The following OPCML variants were observed in gnomAD, a reference collection of about 807,000 sequenced individuals.
OPCML encodes opioid-binding protein/cell adhesion molecule.
A neutral mutation model predicts 37.8 loss-of-function variants in OPCML; 13 were observed. The observed-to-expected ratio is 0.34, with a 90% confidence interval of 0.22 to 0.55. The LOEUF is 0.55. Among genes scored for constraint, OPCML ranks in the 20% least tolerant of loss-of-function variants. The pLI is 0.91. For missense variants in OPCML, 341 were observed against 435.6 expected (o/e 0.78, Z 1.93); for synonymous variants, 176 against 168.8 (o/e 1.04, Z -0.33).
At chr11:133,424,277 C>T (rs995524813) in intron 1 of OPCML, among the ~76,000 whole-genome samples, 6 of 148,674 alleles carry the variant, frequency 4.0e-5, no homozygotes, top group Admixed American at 4.0e-4. Flanking sequence ...CACAAACAAG[C>T]TCCTTTTCTC....
intron 1 of OPCML, among the ~76,000 whole-genome samples, chr11:133,392,154 TTAACA>T (rs1321694941): frequency 6.6e-6 from 1 of 152,212 alleles, no homozygotes; most frequent in Non-Finnish European, 1.5e-5. Context: ...TACTAGGCAC[TTAACA>T]TGAATTAACG....
intron 1 of OPCML, among the ~76,000 whole-genome samples, chr11:133,266,159 A>G (rs915745860): frequency 5.9e-5 from 9 of 152,196 alleles, no homozygotes; most frequent in African/African-American, 2.2e-4. Context: ...TACACAAGGC[A>G]ATATAAGTCT....
intron 4 of OPCML, among the ~76,000 whole-genome samples, chr11:132,451,468 G>T (rs923655241): frequency 6.6e-6 from 1 of 152,174 alleles, no homozygotes; most frequent in South Asian, 2.1e-4. Flanking sequence ...CCTGGGATCA[G>T]TCCTTTATGC....
At chr11:133,483,687 GATA>G (rs2120363279) in intron 1 of OPCML, among the ~76,000 whole-genome samples, 1 of 133,352 alleles carries the variant, frequency 7.5e-6, no homozygotes, top group East Asian at 2.2e-4. Context: ...TAGATAGATA[GATA>G]GATAGATAGA....
intron 1 of OPCML, among the ~76,000 whole-genome samples, chr11:133,186,712 A>G (rs1938093904): frequency 6.6e-6 from 1 of 152,212 alleles, no homozygotes; most frequent in African/African-American, 2.4e-5. Context: ...CACGAATGGA[A>G]CATGCAAAGA....
intron 2 of OPCML, among the ~76,000 whole-genome samples, chr11:132,832,259 A>AG (rs1940736038): frequency 6.7e-6 from 1 of 150,216 alleles, no homozygotes; most frequent in African/African-American, 2.5e-5. Context: ...AAAAAAAAAA[A>AG]TGATAGTGTA....
At chr11:133,095,212 A>G (rs1461920038) in intron 1 of OPCML, among the ~76,000 whole-genome samples, 4 of 150,364 alleles carry the variant, frequency 2.7e-5, no homozygotes, top group Non-Finnish European at 4.4e-5. Context: ...TTTTCTAGCC[A>G]CATCTTCCAA....
At chr11:132,524,150 A>T (rs1379426606) in intron 4 of OPCML, among the ~76,000 whole-genome samples, 1 of 152,132 alleles carries the variant, frequency 6.6e-6, no homozygotes, top group Non-Finnish European at 1.5e-5. Flanking sequence ...TGCCACTCCC[A>T]TCCCTGCAAC....
intron 2 of OPCML, among the ~76,000 whole-genome samples, chr11:132,715,494 T>G (rs959347692): frequency 7.9e-5 from 12 of 152,196 alleles, no homozygotes; most frequent in African/African-American, 2.4e-4. Flanking sequence ...ACTGAATATT[T>G]GTGTACCCCC....
At chr11:133,193,837 G>A (rs1402989815) in intron 1 of OPCML, among the ~76,000 whole-genome samples, 1 of 152,062 alleles carries the variant, frequency 6.6e-6, no homozygotes, top group African/African-American at 2.4e-5. Flanking sequence ...ATTGATTTAT[G>A]ATTCAAAGAA....
chr11:132,764,112 C>A (rs1006381458), intron 2 of OPCML, among the ~76,000 whole-genome samples: 3 of 152,204 alleles, frequency 2.0e-5, no homozygotes, highest in African/African-American at 7.2e-5. Flanking sequence ...TCTCCCAGCA[C>A]AGAGATGTTC....
intron 2 of OPCML, among the ~76,000 whole-genome samples, chr11:132,749,403 A>T (rs1020010841): frequency 6.6e-6 from 1 of 152,200 alleles, no homozygotes; most frequent in Non-Finnish European, 1.5e-5. Context: ...CCAAGACGAT[A>T]GGAAAGACTG....
chr11:133,290,605 G>T (rs1457115106), intron 1 of OPCML, among the ~76,000 whole-genome samples: 1 of 152,190 alleles, frequency 6.6e-6, no homozygotes, highest in African/African-American at 2.4e-5. Context: ...AGAGACCCCT[G>T]AGTGGCACCT....
At chr11:133,044,910 G>T (rs776585112) in intron 1 of OPCML, among the ~76,000 whole-genome samples, 3 of 152,192 alleles carry the variant, frequency 2.0e-5, no homozygotes, top group Non-Finnish European at 4.4e-5. Context: ...ATTTCCAAAT[G>T]AGGACACTAA....
intron 4 of OPCML, among the ~76,000 whole-genome samples, chr11:132,455,343 G>A (rs898363767): frequency 2.0e-5 from 3 of 152,080 alleles, no homozygotes; most frequent in African/African-American, 7.2e-5. Flanking sequence ...ACATGCTACC[G>A]GTGAGATTCC....
At chr11:132,729,042 A>T (rs1010293655) in intron 2 of OPCML, among the ~76,000 whole-genome samples, 1 of 152,184 alleles carries the variant, frequency 6.6e-6, no homozygotes, top group Non-Finnish European at 1.5e-5. Context: ...AAGGAAAGTG[A>T]ACAAGTTCAA....
chr11:133,063,137 C>G (rs570191506), intron 1 of OPCML, among the ~76,000 whole-genome samples: 4 of 152,220 alleles, frequency 2.6e-5, no homozygotes, highest in Non-Finnish European at 5.9e-5. Context: ...AAGTTTAGTT[C>G]CTATTCTGTC....
intron 2 of OPCML, among the ~76,000 whole-genome samples, chr11:132,881,245 A>G (rs1020820519): frequency 1.3e-5 from 2 of 152,246 alleles, no homozygotes; most frequent in African/African-American, 4.8e-5. Flanking sequence ...GGGAATGAAG[A>G]TCTGTATCAC....
At chr11:132,933,727 A>G (rs573773041) in intron 2 of OPCML, among the ~76,000 whole-genome samples, 4 of 152,334 alleles carry the variant, frequency 2.6e-5, no homozygotes, top group African/African-American at 4.8e-5. Context: ...AGATAGATAG[A>G]AGATATTAAT....
Sources: gnomAD v4.1 joint callset for allele counts (sites outside exome capture counted in the v4.1 genomes callset) on GRCh38, gnomAD v4.1.1 for gene constraint, MANE v1.5 for transcripts, NCBI Gene and HGNC (gene_info 2026-07-23, HGNC 2026-07-21) for gene names.